Variants in UGT1A7 observed in about 807,000 individuals in gnomAD.
UGT1A7 encodes UDP glucuronosyltransferase family 1 member A7.
Under a neutral mutation model 45.6 loss-of-function variants are expected in UGT1A7, and 33 were observed. The observed-to-expected ratio is 0.72, with a 90% CI of 0.55 to 0.97. UGT1A7 has a LOEUF of 0.97. UGT1A7 is among the 50% of genes least tolerant of loss of function. UGT1A7 has a pLI of 0.00. For synonymous variants in UGT1A7, 274 were observed against 250.6 expected, an observed-to-expected ratio of 1.09 and a Z score of -0.88; for missense variants, 684 against 666.2, an observed-to-expected ratio of 1.03 and a Z score of -0.29.
chr2:233,760,575 G>C, intron 1 of UGT1A7: 1 of 1,614,226 alleles, frequency 6.2e-7, no homozygotes. Flanking sequence ...TTAGTCTCGG[G>C]CATAATGTTT....
chr2:233,741,084 C>G (rs1460124994), intron 1 of UGT1A7, among the ~76,000 whole-genome samples: 1 of 151,860 alleles, frequency 6.6e-6, no homozygotes, highest in Non-Finnish European at 1.5e-5. Context: ...GTCTTTAAAA[C>G]AAACAAGCAA....
intron 1 of UGT1A7, chr2:233,741,725 C>G (rs1312283881): frequency 6.6e-6 from 1 of 151,856 alleles, no homozygotes; most frequent in Non-Finnish European, 1.5e-5. Flanking sequence ...AGAGCATATC[C>G]AAACCCATAT....
chr2:233,744,768 G>A (rs116261344), intron 1 of UGT1A7, among the ~76,000 whole-genome samples: 5,132 of 151,930 alleles, frequency 0.034, 157 homozygotes, highest in African/African-American at 0.051. Context: ...TTTTAACTTT[G>A]CAAAATTCTC....
At chr2:233,724,165 C>G (rs1303959593) in intron 1 of UGT1A7, among the ~76,000 whole-genome samples, 1 of 112,732 alleles carries the variant, frequency 8.9e-6, no homozygotes, top group African/African-American at 4.2e-5. Context: ...GGGGGGCTGA[C>G]CCCCCCATCT....
chr2:233,729,216 G>C, intron 1 of UGT1A7: 1 of 1,614,144 alleles, frequency 6.2e-7, no homozygotes, highest in Non-Finnish European at 8.5e-7. Flanking sequence ...AGAGTGGAAA[G>C]GTGTTGGTGG....
rs557278496 is a variant in UGT1A7, at chr2:233,723,289, A to T, written c.855+40497A>T. On this transcript the variant is annotated intron_variant, in intron 1 of 4. Coordinates refer to ENST00000373426, the MANE Select transcript of UGT1A7 (RefSeq NM_019077.3). ...CAATGGCACGATGTTGGCTCACTGC[A>T]ACCTCTGCCTCCCAGGTTCAAGCAA... 6.7e-4 allele frequency among the ~76,000 whole-genome samples: 77 copies of T among 114,264 alleles called. 5 individuals carry two copies. The highest frequency in any genetic ancestry group is 9.8e-4 in the Non-Finnish European group (58 of 58,990). The allele number at this position is 114,264 out of a possible 152,430, so 75.0% of individuals were successfully genotyped here.
intron 1 of UGT1A7, chr2:233,690,956 C>A (rs1575444725): frequency 4.0e-6 from 4 of 1,008,150 alleles, no homozygotes; most frequent in African/African-American, 3.5e-5. Flanking sequence ...TCTGTAGGGA[C>A]TTCTGGGACT....
intron 1 of UGT1A7, among the ~76,000 whole-genome samples, chr2:233,748,921 T>C (rs1470974823): frequency 7.9e-5 from 12 of 151,634 alleles, no homozygotes; most frequent in Non-Finnish European, 2.9e-5. Context: ...CAGGTGAAGC[T>C]GAACATATCA....
intron 1 of UGT1A7, among the ~76,000 whole-genome samples, chr2:233,684,767 A>T (rs1046318119): frequency 2.6e-5 from 4 of 152,184 alleles, no homozygotes; most frequent in African/African-American, 9.6e-5. Flanking sequence ...TCAGATCATA[A>T]AGAGTGCCCT....
chr2:233,734,888 G>C (rs895051650), intron 1 of UGT1A7, among the ~76,000 whole-genome samples: 2 of 152,104 alleles, frequency 1.3e-5, no homozygotes, highest in African/African-American at 4.8e-5. Context: ...ACAGTTTGTT[G>C]TGATTTCTAT....
intron 1 of UGT1A7, among the ~76,000 whole-genome samples, chr2:233,745,372 T>A (rs1423074391): frequency 1.3e-5 from 2 of 151,860 alleles, no homozygotes; most frequent in Non-Finnish European, 2.9e-5. Flanking sequence ...AGATCTGAGT[T>A]CTCTTCACCT....
chr2:233,772,878 G>A lies in UGT1A7; in HGVS notation c.*319G>A. ...GAAACATGGCCTGTTTGGGAGTGCG[G>A]GATTCAAAGGTGGTCCCACGGCTGC... is the stretch of plus-strand genomic sequence containing the variant. On this transcript the variant is annotated 3_prime_UTR_variant, in exon 5 of 5. Coordinates refer to ENST00000373426, the MANE Select transcript of UGT1A7 (RefSeq NM_019077.3). 1 of 577,674 alleles carries A rather than the reference G, an allele frequency of 1.7e-6. No individual in the cohort carries two copies. 35.8% of individuals were successfully genotyped at this position (577,674 alleles called of 1,614,324 possible). A position where few individuals can be genotyped will look rare whatever the true frequency, so the allele number is the denominator to read the frequency against.
intron 1 of UGT1A7, among the ~76,000 whole-genome samples, chr2:233,762,802 C>G (rs762572552): frequency 4.6e-5 from 7 of 151,304 alleles, no homozygotes; most frequent in Non-Finnish European, 1.0e-4. Context: ...ACTCAGCTAT[C>G]TCATCAAAAT....
At chr2:233,747,148 TGAA>T in intron 1 of UGT1A7, 1 of 1,570,870 alleles carries the variant, frequency 6.4e-7, no homozygotes, top group South Asian at 1.2e-5. Context: ...GTAATTAAGA[TGAA>T]GAAAACAAAT....
intron 1 of UGT1A7, among the ~76,000 whole-genome samples, chr2:233,706,920 A>G (rs2075930825): frequency 6.6e-6 from 1 of 152,182 alleles, no homozygotes; most frequent in South Asian, 2.1e-4. Flanking sequence ...CTGCCAGAGT[A>G]TGAGTCTGGT....
At chr2:233,743,713 A>C in intron 1 of UGT1A7, 1 of 1,367,332 alleles carries the variant, frequency 7.3e-7, no homozygotes, top group Non-Finnish European at 9.8e-7. Flanking sequence ...CCGCCTCGCC[A>C]TAGCGGTCAT....
In UGT1A7 at chr2:233,769,858, A is replaced by AC. The variant is rs557718673; in HGVS notation, c.1295+1419_1295+1420insC. The AC allele has an allele frequency of 9.4e-6, 1 of 106,936 alleles. No individual in the cohort carries two copies. Among genetic ancestry groups the AC allele is most frequent in the Non-Finnish European group, 1.7e-5 (1 of 60,026 alleles). 6.6% of individuals were successfully genotyped at this position (106,936 alleles called of 1,614,324 possible). On this transcript the variant is annotated intron_variant, in intron 4 of 4. Transcript: ENST00000373426. This position sits in a 1 kb window ranked among gnomAD's most constrained non-coding sequence, Gnocchi z 4.4. Reference sequence around the variant, plus strand: ...GGGCAACAGAGTGAGACCCTGTCTCAAAAAAAAAAAAAAAAATGAAAAGTC... The same window carrying AC: ...GGGCAACAGAGTGAGACCCTGTCTCACAAAAAAAAAAAAAAAATGAAAAGTC...
At chr2:233,693,870 G>A in intron 1 of UGT1A7, 1 of 1,614,164 alleles carries the variant, frequency 6.2e-7, no homozygotes, top group Non-Finnish European at 8.5e-7. Flanking sequence ...TCTCAGGTTG[G>A]TGGGTTTATT....
At chr2:233,703,921 C>T (rs932239618) in intron 1 of UGT1A7, among the ~76,000 whole-genome samples, 8 of 151,492 alleles carry the variant, frequency 5.3e-5, no homozygotes, top group African/African-American at 1.9e-4. Context: ...GACAAAATCT[C>T]ATTCTGTTAC....
Sources: gnomAD v4.1 joint callset for allele counts (sites outside exome capture counted in the v4.1 genomes callset) on GRCh38, gnomAD v4.1.1 for gene constraint, Gnocchi (gnomAD v3.1) non-coding constraint, MANE v1.5 for transcripts, NCBI Gene and HGNC (gene_info 2026-07-23, HGNC 2026-07-21) for gene names.